The following XKR4 variants were observed in gnomAD, a reference collection of about 807,000 sequenced individuals.
XKR4 encodes the protein XK-related protein 4.
A neutral mutation model predicts 53.9 loss-of-function variants in XKR4; 12 were observed. That is an observed-to-expected ratio of 0.22 (90% CI 0.14 to 0.36). The LOEUF is 0.36. XKR4 is among the 10% of genes least tolerant of loss of function. The pLI is 1.00. For synonymous variants in XKR4, 354 were observed against 362.4 expected (o/e 0.98, Z 0.26); for missense variants, 799 against 859.5 (o/e 0.93, Z 0.88).
chr8:55,454,146 G>C, intron 2 of XKR4: 1 of 913,352 alleles, frequency 1.1e-6, no homozygotes, highest in East Asian at 2.4e-5. Flanking sequence ...TCCAGCTCCG[G>C]GTCCAGGACC....
rs527909046 is a variant in XKR4, at chr8:55,464,442, A to C, written c.1007-58839A>C. 3.4e-4 allele frequency among the ~76,000 whole-genome samples: 51 copies of C among 152,202 alleles called. 1 individual carries two copies. In the South Asian group the frequency reaches 9.9e-3, roughly 30 times the overall value. ...AATTCAATAACGCTTCATGCTAAAA[A>C]CTCTCAATAAATTATGTATTGATGG... is the stretch of plus-strand genomic sequence containing the variant. On this transcript the variant is annotated intron_variant, in intron 2 of 2. Coordinates refer to ENST00000327381, the MANE Select transcript of XKR4 (RefSeq NM_052898.2).
intron 2 of XKR4, chr8:55,453,355 C>T: frequency 2.1e-6 from 1 of 468,578 alleles, no homozygotes; most frequent in South Asian, 1.6e-5. Context: ...AGTTCTGTTG[C>T]ACATGCAGGT....
intron 1 of XKR4, among the ~76,000 whole-genome samples, chr8:55,139,917 C>T (rs1218421252): frequency 1.3e-5 from 2 of 152,120 alleles, no homozygotes; most frequent in East Asian, 1.9e-4. Context: ...TAAATATGTA[C>T]ACCATTAAGC....
chr8:55,350,972 C>T (rs899572345), intron 1 of XKR4, among the ~76,000 whole-genome samples: 1 of 152,012 alleles, frequency 6.6e-6, no homozygotes, highest in East Asian at 1.9e-4. Context: ...AACTCCTGAC[C>T]TCAAGTGATC....
chr8:55,155,033 C>T (rs1816885842), intron 1 of XKR4, among the ~76,000 whole-genome samples: 1 of 152,100 alleles, frequency 6.6e-6, no homozygotes, highest in African/African-American at 2.4e-5. Flanking sequence ...TTCCTCCATC[C>T]CAGGAAAACA....
chr8:55,212,421 A>G (rs1310460270), intron 1 of XKR4, among the ~76,000 whole-genome samples: 1 of 152,146 alleles, frequency 6.6e-6, no homozygotes, highest in Non-Finnish European at 1.5e-5. Flanking sequence ...GCTCTCTGTC[A>G]TGTTGGTATC....
At chr8:55,464,848 A>C (rs1805732668) in intron 2 of XKR4, among the ~76,000 whole-genome samples, 1 of 152,128 alleles carries the variant, frequency 6.6e-6, no homozygotes, top group Admixed American at 6.5e-5. Context: ...AAAAACAGAC[A>C]AACAGAGAGC....
At chr8:55,255,608 A>G (rs1818427608) in intron 1 of XKR4, among the ~76,000 whole-genome samples, 1 of 152,146 alleles carries the variant, frequency 6.6e-6, no homozygotes, top group East Asian at 1.9e-4. Context: ...AAATCTAAAA[A>G]CTGATGTTAA....
chr8:55,360,081 G>T (rs1563332378), intron 2 of XKR4, among the ~76,000 whole-genome samples: 1 of 152,198 alleles, frequency 6.6e-6, no homozygotes, highest in Non-Finnish European at 1.5e-5. Context: ...AAGACAGGTT[G>T]ATCCAAATAT....
chr8:55,114,576 G>C (rs761072574), intron 1 of XKR4, among the ~76,000 whole-genome samples: 8 of 152,172 alleles, frequency 5.3e-5, no homozygotes, highest in Admixed American at 2.0e-4. Context: ...TAATTGAAGA[G>C]GTGGGTGAGA....
rs759075682 is a variant in XKR4, at chr8:55,357,849, A to G, written c.978A>G (p.Val326=). ...PQLVLQLCII[V]QTHSLQALQG... ...TGGTCCTGCAGCTCTGCATTATCGT[A>G]CAGACTCATAGCTTACAGGCCCTCC... The change falls in exon 2 of 3, where the codon GTA becomes GTG. Residue 326 remains valine (V), a synonymous_variant. Coordinates refer to ENST00000327381, the MANE Select transcript of XKR4 (RefSeq NM_052898.2). The G allele has an allele frequency of 4.3e-5, 70 of 1,613,964 alleles. No individual in the cohort carries two copies. The highest frequency in any genetic ancestry group is 5.7e-5 in the Non-Finnish European group (67 of 1,179,982).
chr8:55,278,335 TAAAAA>T (rs202025635), intron 1 of XKR4, among the ~76,000 whole-genome samples: 2 of 123,614 alleles, frequency 1.6e-5, no homozygotes, highest in Non-Finnish European at 1.7e-5. Flanking sequence ...AGATCCTGTC[TAAAAA>T]AAAAAAAAAA....
rs7000257 is a variant in XKR4 at position 55,220,242 on chromosome 8, G to A, written c.806+116948G>A. On this transcript the variant is annotated intron_variant, in intron 1 of 2. Coordinates refer to ENST00000327381, the MANE Select transcript of XKR4 (RefSeq NM_052898.2). Reference sequence around the variant, plus strand: ...AATTTTTTAAATGTATGATAGCATCGAAAACTACAGATTTCATTTTTTGGC... The same window carrying A: ...AATTTTTTAAATGTATGATAGCATCAAAAACTACAGATTTCATTTTTTGGC... 8.7e-3 allele frequency among the ~76,000 whole-genome samples: 1,319 copies of A among 151,800 alleles called. 12 individuals are homozygous for A. Among genetic ancestry groups the A allele is most frequent in the Middle Eastern group, 0.031 (9 of 294 alleles).
rs533572750 is a variant in XKR4, at chr8:55,491,010, G to C, written c.1007-32271G>C. Among the ~76,000 whole-genome samples, 14 of 151,804 alleles carry C rather than the reference G, an allele frequency of 9.2e-5. No individual in the cohort carries two copies. In the South Asian group the frequency reaches 2.3e-3, roughly 25 times the overall value. The stretch of plus-strand genomic sequence containing the variant: ...TTGTTTCATAGCTTACTGAGGCTCA[G>C]ATGGGTTTTTCCAGCCTTTTTCTCT... On this transcript the variant is annotated intron_variant, in intron 2 of 2. Transcript: ENST00000327381.
chr8:55,466,335 G>A (rs1805768049), intron 2 of XKR4, among the ~76,000 whole-genome samples: 1 of 152,036 alleles, frequency 6.6e-6, no homozygotes, highest in Non-Finnish European at 1.5e-5. Context: ...GTCCTTTGTA[G>A]GGACATGGAT....
intron 1 of XKR4, among the ~76,000 whole-genome samples, chr8:55,249,695 A>G (rs985555996): frequency 2.0e-5 from 3 of 152,248 alleles, no homozygotes; most frequent in Non-Finnish European, 4.4e-5. Flanking sequence ...AGACCTATGT[A>G]AAGGTCAATT....
chr8:55,294,596 C>A (rs1411175032), intron 1 of XKR4, among the ~76,000 whole-genome samples: 2 of 152,196 alleles, frequency 1.3e-5, no homozygotes, highest in African/African-American at 2.4e-5. Flanking sequence ...TCAAGAGGGG[C>A]AATTAACTGC....
At chr8:55,180,758 C>G (rs897727174) in intron 1 of XKR4, among the ~76,000 whole-genome samples, 1 of 152,154 alleles carries the variant, frequency 6.6e-6, no homozygotes, top group African/African-American at 2.4e-5. Context: ...GCCTTGAACT[C>G]CTGACCTCGA....
rs144643271 is a variant in XKR4 at position 55,324,138 on chromosome 8, C to T, written c.807-33540C>T. Among the ~76,000 whole-genome samples the T allele has an allele frequency of 7.2e-5, 11 of 152,230 alleles. No individual in the cohort carries two copies. In the East Asian group the frequency reaches 2.1e-3, roughly 29 times the overall value. ...TGAGACAAGGTCTTGCTCTGTCACC[C>T]AGGCCAGAGTGCAGTGGTGCAAATG... On this transcript the variant is annotated intron_variant, in intron 1 of 2. Coordinates refer to ENST00000327381, the MANE Select transcript of XKR4 (RefSeq NM_052898.2).
Sources: allele counts gnomAD v4.1 joint callset (sites outside exome capture counted in the v4.1 genomes callset), GRCh38; gene constraint gnomAD v4.1.1; transcripts MANE v1.5; gene names NCBI Gene and HGNC (gene_info 2026-07-23, HGNC 2026-07-21).